Variants in PRKCB observed in about 807,000 individuals in gnomAD.
PRKCB encodes protein kinase C beta.
PRKCB carries 13 observed loss-of-function variants against 81.5 expected under a neutral mutation model. The ratio of observed to expected loss-of-function variants is 0.16; its 90% CI spans 0.10 to 0.25. The LOEUF is 0.25. Among genes scored for constraint, PRKCB ranks in the 10% least tolerant of loss-of-function variants. The pLI is 1.00. For synonymous variants in PRKCB, 335 were observed against 321.4 expected (o/e 1.04, Z -0.45); for missense variants, 509 against 875.7 (o/e 0.58, Z 5.29).
chr16:23,839,115 T>C (rs1962220206), intron 2 of PRKCB, among the ~76,000 whole-genome samples: 1 of 152,134 alleles, frequency 6.6e-6, no homozygotes, highest in Non-Finnish European at 1.5e-5. Context: ...CTGCTGTTAT[T>C]GATGGATGGG....
intron 5 of PRKCB, among the ~76,000 whole-genome samples, chr16:24,086,633 A>T (rs1253664878): frequency 6.6e-6 from 1 of 152,240 alleles, no homozygotes; most frequent in Non-Finnish European, 1.5e-5. Flanking sequence ...TAAAAGCACA[A>T]CTGAATTTGT....
intron 9 of PRKCB, among the ~76,000 whole-genome samples, chr16:24,146,496 G>A (rs888073025): frequency 5.3e-5 from 8 of 152,146 alleles, no homozygotes; most frequent in East Asian, 1.9e-4. Flanking sequence ...TCTCAAGGTC[G>A]TACAGCTTGT....
chr16:23,939,876 A>G (rs182006525), intron 2 of PRKCB, among the ~76,000 whole-genome samples: 64 of 152,324 alleles, frequency 4.2e-4, no homozygotes, highest in Admixed American at 4.2e-3. Context: ...ACTAAACGCT[A>G]TTGTTCTGCA....
chr16:24,047,981 A>C (rs894389310), intron 5 of PRKCB, among the ~76,000 whole-genome samples: 1 of 152,144 alleles, frequency 6.6e-6, no homozygotes, highest in Non-Finnish European at 1.5e-5. Flanking sequence ...GGAAGGGAGG[A>C]GGGCCAGTGG....
chr16:23,974,092 G>A (rs966056706), intron 2 of PRKCB, among the ~76,000 whole-genome samples: 1 of 152,124 alleles, frequency 6.6e-6, no homozygotes, highest in Non-Finnish European at 1.5e-5. Flanking sequence ...GCTGGTTTTG[G>A]GTGATAATTA....
chr16:24,044,219 T>C (rs1029058114), intron 5 of PRKCB, among the ~76,000 whole-genome samples: 2 of 151,942 alleles, frequency 1.3e-5, no homozygotes, highest in Non-Finnish European at 2.9e-5. Context: ...ATTAGCTGGG[T>C]ATGGTGGTGC....
intron 2 of PRKCB, among the ~76,000 whole-genome samples, chr16:23,903,310 A>C (rs1005661802): frequency 6.6e-6 from 1 of 151,750 alleles, no homozygotes; most frequent in Non-Finnish European, 1.5e-5. Context: ...TGGGGGAGTG[A>C]TAGAGATTCT....
At chr16:23,995,967 G>A (rs377427726) in intron 3 of PRKCB, among the ~76,000 whole-genome samples, 17 of 152,240 alleles carry the variant, frequency 1.1e-4, no homozygotes, top group Admixed American at 3.3e-4. Flanking sequence ...AAATCTTCTC[G>A]GTGGGCAGAA....
At chr16:23,962,937 A>C (rs1416356734) in intron 2 of PRKCB, 2 of 151,526 alleles carry the variant, frequency 1.3e-5, no homozygotes, top group Non-Finnish European at 2.9e-5. Context: ...CCATTATATC[A>C]CTCTTATGCT....
chr16:24,213,600 C>T (rs1273779176), intron 16 of PRKCB, among the ~76,000 whole-genome samples: 1 of 152,166 alleles, frequency 6.6e-6, no homozygotes, highest in African/African-American at 2.4e-5. Flanking sequence ...TATCAGCAGT[C>T]ATAATTGTTA....
chr16:24,218,787 G>A lies in PRKCB; in HGVS notation c.*3971G>A, dbSNP rs369641483. 8.9e-5 allele frequency: 88 copies of A among 985,432 alleles called. No individual in the cohort carries two copies. The African/African-American group carries it at 1.2e-3, about 13-fold the overall frequency. The allele number at this position is 985,432 out of a possible 1,614,324, so 61.0% of individuals were successfully genotyped here. Reference sequence around the variant, plus strand: ...TCTGAGGCAACTTTGGCTGCAGCCCGGGAATGTGCAGGGCACTAGGGAATA... The same window carrying A: ...TCTGAGGCAACTTTGGCTGCAGCCCAGGAATGTGCAGGGCACTAGGGAATA... On this transcript the variant is annotated 3_prime_UTR_variant, in exon 17 of 17. Coordinates refer to ENST00000643927, the MANE Select transcript of PRKCB (RefSeq NM_002738.7).
chr16:23,885,790 G>A (rs570861323), intron 2 of PRKCB, among the ~76,000 whole-genome samples: 8 of 152,340 alleles, frequency 5.3e-5, no homozygotes, highest in Admixed American at 1.3e-4. Flanking sequence ...CAGACACGAG[G>A]AAGCTGGCGG....
rs146508331 is a variant in PRKCB at position 24,110,661 on chromosome 16, C to T, written c.822-2312C>T. Among the ~76,000 whole-genome samples the T allele has an allele frequency of 9.3e-3, 1,418 of 151,960 alleles. 4 individuals are homozygous for T. Among genetic ancestry groups the T allele is most frequent in the Middle Eastern group, 0.027 (8 of 294 alleles). Reference sequence around the variant, plus strand: ...CCGCTCAAGTAGCTGGGACTACTGGCATGCGCCACCATACCTAGCTAAATT... The same window carrying T: ...CCGCTCAAGTAGCTGGGACTACTGGTATGCGCCACCATACCTAGCTAAATT... On this transcript the variant is annotated intron_variant, in intron 7 of 16. Transcript: ENST00000643927.
intron 3 of PRKCB, among the ~76,000 whole-genome samples, chr16:24,017,931 C>A (rs1965303722): frequency 6.9e-6 from 1 of 145,398 alleles, no homozygotes; most frequent in Admixed American, 6.9e-5. Flanking sequence ...CAGAGTCTCG[C>A]TCTGTGGCCC....
chr16:24,041,526 C>CT (rs34651479), intron 5 of PRKCB, among the ~76,000 whole-genome samples: 27,862 of 147,736 alleles, frequency 0.19, 3,209 homozygotes, highest in African/African-American at 0.33. Context: ...CAGAAAGAAC[C>CT]TTTTTTTTTT....
intron 3 of PRKCB, among the ~76,000 whole-genome samples, chr16:24,028,896 T>G (rs1965516744): frequency 6.6e-6 from 1 of 152,164 alleles, no homozygotes; most frequent in Non-Finnish European, 1.5e-5. Context: ...GTTCAAGTGA[T>G]TCTCGTGCCT....
chr16:23,945,908 A>G (rs982999004), intron 2 of PRKCB, among the ~76,000 whole-genome samples: 1 of 152,140 alleles, frequency 6.6e-6, no homozygotes, highest in Non-Finnish European at 1.5e-5. Flanking sequence ...TTGGCTCACA[A>G]GCTGGCCCTA....
intron 7 of PRKCB, among the ~76,000 whole-genome samples, chr16:24,109,180 C>A (rs868128920): frequency 1.4e-4 from 2 of 13,906 alleles, no homozygotes; most frequent in South Asian, 2.6e-3. Flanking sequence ...CCTCCCTCCC[C>A]GACGGGGCGG....
chr16:23,971,423 G>A (rs920451145), intron 2 of PRKCB, among the ~76,000 whole-genome samples: 3 of 152,096 alleles, frequency 2.0e-5, no homozygotes, highest in African/African-American at 4.8e-5. Context: ...TCCCTCCTCT[G>A]GGACCAGCAT....
Sources: gnomAD v4.1 joint callset for allele counts (sites outside exome capture counted in the v4.1 genomes callset) on GRCh38, gnomAD v4.1.1 for gene constraint, MANE v1.5 for transcripts, NCBI Gene and HGNC (gene_info 2026-07-23, HGNC 2026-07-21) for gene names.